The following SHANK2 variants were observed in gnomAD, a reference collection of about 807,000 sequenced individuals.
The protein encoded by SHANK2 is SH3 and multiple ankyrin repeat domains protein 2.
Under a neutral mutation model 133.7 loss-of-function variants are expected in SHANK2, and 43 were observed. That is an observed-to-expected ratio of 0.32 (90% confidence interval 0.25 to 0.41). The LOEUF (loss-of-function observed/expected upper bound fraction) is 0.41, where lower values mean the gene tolerates loss of function less well. Among genes scored for constraint, SHANK2 ranks in the 10% least tolerant of loss-of-function variants. The pLI is 1.00. For synonymous variants in SHANK2, 1,017 were observed against 952.8 expected (o/e 1.07, Z -1.24); for missense variants, 1,994 against 2,235.8 (o/e 0.89, Z 2.18).
intron 3 of SHANK2, among the ~76,000 whole-genome samples, chr11:71,123,845 T>C (rs1157092534): frequency 2.9e-4 from 44 of 152,298 alleles, no homozygotes; most frequent in African/African-American, 9.9e-4. Flanking sequence ...AACAACTCTC[T>C]TCTCCTTGAG....
intron 23 of SHANK2, chr11:70,489,970 A>ACCCC: frequency 1.5e-5 from 3 of 194,848 alleles, no homozygotes; most frequent in South Asian, 8.5e-5. Flanking sequence ...GGCTCGCACC[A>ACCCC]CCCCGCCCAC....
intron 3 of SHANK2, among the ~76,000 whole-genome samples, chr11:71,134,967 CCAT>C (rs1190356771): frequency 6.6e-6 from 1 of 152,108 alleles, no homozygotes; most frequent in Non-Finnish European, 1.5e-5. Context: ...AAACCTCTGC[CCAT>C]CAAATACAAC....
intron 11 of SHANK2, among the ~76,000 whole-genome samples, chr11:70,862,506 C>T (rs1239816637): frequency 1.3e-5 from 2 of 152,024 alleles, no homozygotes; most frequent in East Asian, 3.9e-4. Flanking sequence ...CAGGACTAGA[C>T]TGGCTGATGG....
chr11:71,071,728 C>G (rs1209815136), intron 9 of SHANK2, among the ~76,000 whole-genome samples: 3 of 152,134 alleles, frequency 2.0e-5, no homozygotes, highest in African/African-American at 7.2e-5. Context: ...AGCAGAGTGG[C>G]TGGAGGGGCC....
chr11:70,518,524 T>C (rs1554970474), intron 17 of SHANK2, among the ~76,000 whole-genome samples: 2 of 152,236 alleles, frequency 1.3e-5, no homozygotes. Context: ...CTGGCACGTC[T>C]CTGAAGCCTT....
At chr11:70,723,463 C>T (rs1425560739) in intron 14 of SHANK2, among the ~76,000 whole-genome samples, 1 of 152,128 alleles carries the variant, frequency 6.6e-6, no homozygotes, top group Non-Finnish European at 1.5e-5. Context: ...ATACAAGGAA[C>T]TGAATTTCTG....
chr11:70,673,312 G>A (rs1555016524), intron 15 of SHANK2, among the ~76,000 whole-genome samples: 1 of 152,138 alleles, frequency 6.6e-6, no homozygotes, highest in African/African-American at 2.4e-5. Context: ...AAAAAATCAG[G>A]GGAACAGTAC....
At position 71,189,197 on chromosome 11, in the gene SHANK2, C is replaced by A. The variant is rs1311713830; in HGVS notation, c.-13+35500G>T. Among the ~76,000 whole-genome samples, 2 of 152,254 alleles carry A rather than the reference C, an allele frequency of 1.3e-5. 1 individual carries two copies. Among genetic ancestry groups the A allele is most frequent in the Non-Finnish European group, 2.9e-5 (2 of 68,042 alleles). ...TCCTCCTGGCCACCCCGGCTTCCCGCCATCCACCAGCAGGTGTGTGATTCC... is the reference window on the plus strand; with the variant it reads ...TCCTCCTGGCCACCCCGGCTTCCCGACATCCACCAGCAGGTGTGTGATTCC... On this transcript the variant is annotated intron_variant, in intron 2 of 25. Coordinates refer to ENST00000601538, the MANE Select transcript of SHANK2 (RefSeq NM_012309.5).
At position 70,858,809 on chromosome 11, in the gene SHANK2, G is replaced by A. The variant is rs116777794; in HGVS notation, c.1174+37692C>T. 6.6e-3 allele frequency among the ~76,000 whole-genome samples: 1,001 copies of A among 152,284 alleles called. 14 individuals are homozygous for A. Among genetic ancestry groups the A allele is most frequent in the African/African-American group, 0.023 (970 of 41,544 alleles). The stretch of plus-strand genomic sequence containing the variant: ...CACCTCCCACTCACACCTCCATCTG[G>A]TTATCCCTGGCATCTGGGAGAACCC... On this transcript the variant is annotated intron_variant, in intron 11 of 25. Transcript: ENST00000601538.
At chr11:70,718,700 CTT>C (rs60414874) in intron 14 of SHANK2, among the ~76,000 whole-genome samples, 30 of 129,702 alleles carry the variant, frequency 2.3e-4, no homozygotes, top group African/African-American at 5.8e-4. Flanking sequence ...AGCTCATTCT[CTT>C]TTTTTTTTTT....
chr11:70,828,728 G>T (rs1002622745), intron 11 of SHANK2, among the ~76,000 whole-genome samples: 1 of 152,208 alleles, frequency 6.6e-6, no homozygotes, highest in Non-Finnish European at 1.5e-5. Context: ...GGATGCCACC[G>T]TGTCCGTATT....
At chr11:70,751,910 G>A (rs782436036) in intron 14 of SHANK2, among the ~76,000 whole-genome samples, 4 of 151,510 alleles carry the variant, frequency 2.6e-5, no homozygotes, top group Non-Finnish European at 5.9e-5. Flanking sequence ...AAATGGAAAA[G>A]TAACAAGTCA....
chr11:70,751,981 T>C (rs1361481110), intron 14 of SHANK2, among the ~76,000 whole-genome samples: 1 of 151,982 alleles, frequency 6.6e-6, no homozygotes, highest in South Asian at 2.1e-4. Flanking sequence ...AGGAAACAAA[T>C]AGAAAATAAG....
chr11:70,589,804 G>A lies in SHANK2; in HGVS notation c.2061+70024C>T, dbSNP rs146288215. On this transcript the variant is annotated intron_variant, in intron 17 of 25. Coordinates refer to ENST00000601538, the MANE Select transcript of SHANK2 (RefSeq NM_012309.5). Reference sequence around the variant, plus strand: ...CCATCCCTCATGGATGGCTTTGAGGGGTGCAGGGGAAGAGGTCACTGCAGA... The same window carrying A: ...CCATCCCTCATGGATGGCTTTGAGGAGTGCAGGGGAAGAGGTCACTGCAGA... 1.1e-3 allele frequency among the ~76,000 whole-genome samples: 174 copies of A among 152,256 alleles called. 1 individual carries two copies. The highest frequency in any genetic ancestry group is 3.9e-3 in the African/African-American group (161 of 41,548).
chr11:70,471,308 G>A lies in SHANK2; in HGVS notation c.*1561C>T, dbSNP rs909915228. ...CATGTTTTATAATTAGAGATGGGCT[G>A]AGCTAGTTCTGAAATAATAATAAAA... On this transcript the variant is annotated 3_prime_UTR_variant, in exon 26 of 26. Coordinates refer to ENST00000601538, the MANE Select transcript of SHANK2 (RefSeq NM_012309.5). The surrounding 1 kb of genome is among the most constrained non-coding windows in gnomAD (Gnocchi z 4.1). 3.0e-5 allele frequency: 12 copies of A among 398,534 alleles called. No homozygotes were observed. In the South Asian group the frequency reaches 1.1e-3, roughly 38 times the overall value. The allele number at this position is 398,534 out of a possible 1,614,324, so 24.7% of individuals were successfully genotyped here.
rs559368111 is a variant in SHANK2 at position 71,126,108 on chromosome 11, C to T, written c.208-7076G>A. ...TGGCAGGCACCTGTAGTCCCAGCTA[C>T]TTGGGAGGCTGAGGCAGGAGAATTG... On this transcript the variant is annotated intron_variant, in intron 3 of 25. Transcript: ENST00000601538. Among the ~76,000 whole-genome samples the T allele has an allele frequency of 4.8e-5, 7 of 145,442 alleles. No individual in the cohort carries two copies. In the South Asian group the frequency reaches 1.5e-3, roughly 32 times the overall value.
chr11:70,700,699 C>T (rs947858), intron 14 of SHANK2, among the ~76,000 whole-genome samples: 53,787 of 152,066 alleles, frequency 0.35, 10,522 homozygotes, highest in Non-Finnish European at 0.45. Context: ...GTCTGCCTGG[C>T]AGCCAGGCCC....
rs73525990 is a variant in SHANK2, at chr11:70,676,335, C to T, written c.1854-14657G>A. 2.4e-3 allele frequency among the ~76,000 whole-genome samples: 370 copies of T among 152,342 alleles called. 2 individuals carry two copies. The highest frequency in any genetic ancestry group is 8.3e-3 in the African/African-American group (346 of 41,572). ...TTGGCCAAGGAGACCCAAGGCCAAG[C>T]GGACCCGAGGTCTGCTGGGACCTCT... is the stretch of plus-strand genomic sequence containing the variant. On this transcript the variant is annotated intron_variant, in intron 15 of 25. Coordinates refer to ENST00000601538, the MANE Select transcript of SHANK2 (RefSeq NM_012309.5).
intron 10 of SHANK2, among the ~76,000 whole-genome samples, chr11:70,921,761 T>A (rs1950355065): frequency 6.6e-6 from 1 of 152,188 alleles, no homozygotes; most frequent in Non-Finnish European, 1.5e-5. Flanking sequence ...TCTGACTGCA[T>A]CAAGGTGACA....
Sources: gnomAD v4.1 joint callset for allele counts (sites outside exome capture counted in the v4.1 genomes callset) on GRCh38, gnomAD v4.1.1 for gene constraint, Gnocchi (gnomAD v3.1) non-coding constraint, MANE v1.5 for transcripts, NCBI Gene and HGNC (gene_info 2026-07-23, HGNC 2026-07-21) for gene names.